The following SBF2 variants were observed in gnomAD, a reference collection of about 807,000 sequenced individuals.
SBF2 encodes myotubularin-related protein 13.
A neutral mutation model predicts 225.2 loss-of-function variants in SBF2; 112 were observed. That is an observed-to-expected ratio of 0.50 (90% CI 0.43 to 0.58). The LOEUF (loss-of-function observed/expected upper bound fraction) is 0.58, where lower values mean the gene tolerates loss of function less well. SBF2 is among the 20% of genes least tolerant of loss of function. SBF2 has a pLI of 0.00. For synonymous variants in SBF2, 763 were observed against 773.3 expected (o/e 0.99, Z 0.22); for missense variants, 1,996 against 2,206.2 (o/e 0.90, Z 1.91).
At position 10,063,858 on chromosome 11, in the gene SBF2, C is replaced by CACAGAGAGAGAGAG. The variant is rs373423157; in HGVS notation, c.142-20878_142-20877insCTCTCTCTCTCTGT. Among the ~76,000 whole-genome samples the CACAGAGAGAGAGAG allele has an allele frequency of 6.5e-4, 89 of 136,228 alleles. No homozygotes were observed. In the East Asian group the frequency reaches 0.013, roughly 20 times the overall value. 89.4% of individuals were successfully genotyped at this position (136,228 alleles called of 152,430 possible). The stretch of plus-strand genomic sequence containing the variant: ...ACACACACACACACACACACACACA[C>CACAGAGAGAGAGAG]AGAGAGAGAGAGAGAGAGAGAGAAA... On this transcript the variant is annotated intron_variant, in intron 2 of 39. Transcript: ENST00000256190.
Position 10,071,265 on chromosome 11 carries a change from CTTTTTTT to C in SBF2, c.142-28291_142-28285del, listed in dbSNP as rs945479458. Among the ~76,000 whole-genome samples, 7 of 103,062 alleles carry C rather than the reference CTTTTTTT, an allele frequency of 6.8e-5. No homozygotes were observed. The Admixed American group carries it at 7.5e-4, about 11-fold the overall frequency. 67.6% of individuals were successfully genotyped at this position (103,062 alleles called of 152,430 possible). A position where few individuals can be genotyped will look rare whatever the true frequency, so the allele number is the denominator to read the frequency against. ...GTTTTCTCTTTTTTTCTCTCTCTCTCTTTTTTTTTTTTTTTTTTTGAGAGGGAGTCTC... is the reference window on the plus strand; with the variant it reads ...GTTTTCTCTTTTTTTCTCTCTCTCTCTTTTTTTTTTTTGAGAGGGAGTCTC... On this transcript the variant is annotated intron_variant, in intron 2 of 39. Transcript: ENST00000256190.
intron 15 of SBF2, 94 bp downstream of exon 15, chr11:9,963,679 A>G: frequency 1.4e-6 from 1 of 694,316 alleles, no homozygotes; most frequent in South Asian, 1.6e-5. Context: ...AGGAAAAGGG[A>G]TAGAATTAAA....
chr11:9,877,164 A>G (rs1354700437), intron 17 of SBF2, among the ~76,000 whole-genome samples: 1 of 152,228 alleles, frequency 6.6e-6, no homozygotes, highest in Non-Finnish European at 1.5e-5. Flanking sequence ...GATACAAGAT[A>G]AAATAGCAGC....
At chr11:9,979,396 T>A (rs1946843231) in intron 13 of SBF2, among the ~76,000 whole-genome samples, 1 of 152,204 alleles carries the variant, frequency 6.6e-6, no homozygotes, top group Non-Finnish European at 1.5e-5. Context: ...TATTTATTAT[T>A]ATTATAATAG....
At chr11:10,194,041 A>G in intron 1 of SBF2, 54 bp from the exon 2 acceptor site, 1 of 1,045,414 alleles carries the variant, frequency 9.6e-7, no homozygotes, top group Non-Finnish European at 1.5e-6. Context: ...AACTACAAAT[A>G]CTCATTCTAC....
chr11:10,022,994 TTTTC>T (rs753064974), intron 6 of SBF2, among the ~76,000 whole-genome samples: 3 of 152,168 alleles, frequency 2.0e-5, no homozygotes, highest in Non-Finnish European at 4.4e-5. Context: ...ACTTGCTTGT[TTTTC>T]TTTCTGTGGT....
intron 2 of SBF2, among the ~76,000 whole-genome samples, chr11:10,174,769 C>G (rs7939531): frequency 0.12 from 18,391 of 151,854 alleles, 1,269 homozygotes; most frequent in African/African-American, 0.14. Context: ...GAGAAAGGTC[C>G]GGTTACCCAC....
intron 16 of SBF2, among the ~76,000 whole-genome samples, chr11:9,909,311 T>C (rs959403961): frequency 6.8e-6 from 1 of 146,598 alleles, no homozygotes; most frequent in Non-Finnish European, 1.5e-5. Context: ...ACCCCCATAC[T>C]TTCTCTCTTT....
At chr11:10,025,263 A>C (rs1251482534) in intron 6 of SBF2, among the ~76,000 whole-genome samples, 1 of 152,164 alleles carries the variant, frequency 6.6e-6, no homozygotes, top group African/African-American at 2.4e-5. Context: ...ATCCAACTCA[A>C]GAAACTGAAA....
chr11:9,803,836 A>C (rs1853630638), intron 32 of SBF2, among the ~76,000 whole-genome samples: 1 of 152,192 alleles, frequency 6.6e-6, no homozygotes, highest in African/African-American at 2.4e-5. Context: ...CAATTCAGCA[A>C]ATTTTTGAAA....
chr11:9,897,785 C>G (rs77881038), intron 16 of SBF2, among the ~76,000 whole-genome samples: 11,591 of 152,248 alleles, frequency 0.076, 512 homozygotes, highest in East Asian at 0.1. Flanking sequence ...GCAATTCCTC[C>G]ACTTTCCAGA....
chr11:10,232,153 G>T (rs1290107657), intron 1 of SBF2, among the ~76,000 whole-genome samples: 1 of 152,210 alleles, frequency 6.6e-6, no homozygotes, highest in Non-Finnish European at 1.5e-5. Flanking sequence ...TAAGCCCATT[G>T]GAAAAGCACA....
intron 16 of SBF2, among the ~76,000 whole-genome samples, chr11:9,921,587 T>C (rs934202991): frequency 6.6e-6 from 1 of 152,258 alleles, no homozygotes; most frequent in African/African-American, 2.4e-5. Context: ...TGATTTTGGA[T>C]ACAAGCAATG....
At chr11:10,269,846 C>T (rs572283768) in intron 1 of SBF2, among the ~76,000 whole-genome samples, 36 of 152,254 alleles carry the variant, frequency 2.4e-4, no homozygotes, top group African/African-American at 7.7e-4. Flanking sequence ...ACTGGAACCT[C>T]AAATTCCTGG....
chr11:10,287,902 G>C (rs1015775056), intron 1 of SBF2, among the ~76,000 whole-genome samples: 1 of 152,202 alleles, frequency 6.6e-6, no homozygotes, highest in Non-Finnish European at 1.5e-5. Context: ...GTAAGCGAGC[G>C]TACAGTCTGG....
intron 16 of SBF2, among the ~76,000 whole-genome samples, chr11:9,913,231 C>T (rs565628698): frequency 1.3e-4 from 20 of 152,228 alleles, no homozygotes; most frequent in Admixed American, 9.2e-4. Flanking sequence ...GCTGAGATCG[C>T]GCCACTGCAC....
chr11:10,268,997 TTAAG>T (rs1962244354), intron 1 of SBF2, among the ~76,000 whole-genome samples: 1 of 152,198 alleles, frequency 6.6e-6, no homozygotes, highest in Non-Finnish European at 1.5e-5. Context: ...CAATACCTCA[TTAAG>T]TGATTTTTTT....
At chr11:10,036,360 A>G (rs1456431090) in intron 3 of SBF2, among the ~76,000 whole-genome samples, 2 of 152,154 alleles carry the variant, frequency 1.3e-5, no homozygotes, top group Non-Finnish European at 1.5e-5. Flanking sequence ...ATGTATACCT[A>G]TGTAACAAAA....
At chr11:9,906,097 C>G (rs1862094636) in intron 16 of SBF2, among the ~76,000 whole-genome samples, 1 of 152,244 alleles carries the variant, frequency 6.6e-6, no homozygotes, top group South Asian at 2.1e-4. Flanking sequence ...TTCCTCACCC[C>G]CTTAGGACAC....
Sources: allele counts gnomAD v4.1 joint callset (sites outside exome capture counted in the v4.1 genomes callset), GRCh38; gene constraint gnomAD v4.1.1; transcripts MANE v1.5; gene names NCBI Gene and HGNC (gene_info 2026-07-23, HGNC 2026-07-21).